The following ODAD2 variants were observed in gnomAD, a reference collection of about 807,000 sequenced individuals.
ODAD2 encodes the protein outer dynein arm-docking complex subunit 2.
Under a neutral mutation model 106.8 loss-of-function variants are expected in ODAD2, and 89 were observed. The observed-to-expected ratio is 0.83, with a 90% CI of 0.70 to 0.99. The LOEUF (loss-of-function observed/expected upper bound fraction) is 0.99, where lower values mean the gene tolerates loss of function less well. Ranked by LOEUF, ODAD2 falls within the 50% of genes least tolerant of loss-of-function variation. ODAD2 has a pLI of 0.00. For missense variants in ODAD2, 1,168 were observed against 1,238.5 expected (o/e 0.94, Z 0.85); for synonymous variants, 404 against 436.2 (o/e 0.93, Z 0.92).
At chr10:27,866,290 A>G (rs1840432424) in intron 17 of ODAD2, among the ~76,000 whole-genome samples, 1 of 152,212 alleles carries the variant, frequency 6.6e-6, no homozygotes, top group Admixed American at 6.5e-5. Context: ...AAAAGGTAAA[A>G]TGACAGAGTG....
In ODAD2 at chr10:27,983,972, T is replaced by TGGATGTA. The variant is rs761193360; in HGVS notation, c.689_690insTACATCC (p.Glu230AspfsTer31). The TGGATGTA allele has an allele frequency of 2.5e-6, 4 of 1,607,478 alleles. No homozygotes were observed. The highest frequency in any genetic ancestry group is 3.4e-6 in the Non-Finnish European group (4 of 1,178,750). ...GTGGGGCTCGACATCCATTTGAAAA[T>TGGATGTA]TCATAATCTGAAACCAATCATCAAG... On this transcript the variant is annotated frameshift_variant, in exon 6 of 20. Transcript: ENST00000305242. LOFTEE classifies it high-confidence loss of function.
At chr10:27,930,997 A>T (rs1053732518) in intron 16 of ODAD2, among the ~76,000 whole-genome samples, 1 of 152,226 alleles carries the variant, frequency 6.6e-6, no homozygotes, top group Non-Finnish European at 1.5e-5. Flanking sequence ...ACAAAATGAC[A>T]TGTCCGTATG....
At chr10:27,957,248 G>A (rs1291441047) in intron 10 of ODAD2, 1 of 152,264 alleles carries the variant, frequency 6.6e-6, no homozygotes, top group African/African-American at 2.4e-5. Context: ...TAGGAAAGAA[G>A]TTAACAGCAG....
chr10:27,934,184 T>C (rs1383253046), intron 16 of ODAD2, among the ~76,000 whole-genome samples: 1 of 152,164 alleles, frequency 6.6e-6, no homozygotes, highest in Non-Finnish European at 1.5e-5. Context: ...CCCAGCCATG[T>C]GGAACTGTGA....
intron 17 of ODAD2, among the ~76,000 whole-genome samples, chr10:27,864,532 T>G: frequency 2.3e-5 from 3 of 132,298 alleles, no homozygotes; most frequent in African/African-American, 8.7e-5. Context: ...GAGCGGGGAG[T>G]GAGGTGAGAG....
intron 17 of ODAD2, among the ~76,000 whole-genome samples, chr10:27,889,923 T>G (rs1158342468): frequency 6.6e-6 from 1 of 152,156 alleles, no homozygotes; most frequent in Admixed American, 6.6e-5. Flanking sequence ...TTTCCAGGGT[T>G]GGGAGTTCAT....
At chr10:27,934,912 T>C in intron 16 of ODAD2, 98 bp downstream of exon 16, 1 of 1,406,298 alleles carries the variant, frequency 7.1e-7, no homozygotes, top group African/African-American at 1.4e-5. Flanking sequence ...TTTTCATCAT[T>C]CGTGCACATC....
intron 19 of ODAD2, among the ~76,000 whole-genome samples, chr10:27,833,002 G>A (rs1044076471): frequency 6.6e-6 from 1 of 152,100 alleles, no homozygotes; most frequent in Non-Finnish European, 1.5e-5. Context: ...ACTTGGCAGG[G>A]GCAGGTGGAA....
chr10:27,844,827 A>T (rs1219233380), intron 19 of ODAD2, among the ~76,000 whole-genome samples: 2 of 152,142 alleles, frequency 1.3e-5, no homozygotes, highest in African/African-American at 4.8e-5. Context: ...TAGCTCTAAG[A>T]AGGGGAGGAA....
At chr10:27,821,213 C>T (rs114654636) in intron 19 of ODAD2, among the ~76,000 whole-genome samples, 212 of 152,194 alleles carry the variant, frequency 1.4e-3, no homozygotes, top group African/African-American at 4.7e-3. Flanking sequence ...CTGTGTGCTC[C>T]GGGTATGAAT....
At chr10:27,892,818 A>G (rs1842643050) in intron 17 of ODAD2, among the ~76,000 whole-genome samples, 2 of 152,222 alleles carry the variant, frequency 1.3e-5, no homozygotes, top group Non-Finnish European at 2.9e-5. Flanking sequence ...GCCTGGCTCA[A>G]TCACTGATAG....
intron 10 of ODAD2, among the ~76,000 whole-genome samples, chr10:27,945,572 C>G (rs1846849863): frequency 6.6e-6 from 1 of 152,032 alleles, no homozygotes; most frequent in African/African-American, 2.4e-5. Flanking sequence ...CAGAGTCTTG[C>G]AAACCAATGT....
At chr10:27,979,698 T>G (rs575869948) in intron 7 of ODAD2, among the ~76,000 whole-genome samples, 1 of 152,312 alleles carries the variant, frequency 6.6e-6, no homozygotes, top group Admixed American at 6.5e-5. Context: ...CTTCTAAACA[T>G]TGCTGAAAGC....
intron 19 of ODAD2, among the ~76,000 whole-genome samples, chr10:27,831,981 T>C (rs1837512758): frequency 6.6e-6 from 1 of 152,266 alleles, no homozygotes; most frequent in Non-Finnish European, 1.5e-5. Flanking sequence ...TCATTGCTCC[T>C]GCACAACATT....
chr10:27,816,997 G>A (rs577933549), intron 19 of ODAD2, among the ~76,000 whole-genome samples: 5 of 152,078 alleles, frequency 3.3e-5, no homozygotes, highest in South Asian at 4.2e-4. Context: ...TGATCCACCC[G>A]TCTCGGCCTC....
intron 16 of ODAD2, among the ~76,000 whole-genome samples, chr10:27,932,693 A>G (rs1433281263): frequency 5.3e-4 from 80 of 152,248 alleles, no homozygotes; most frequent in Non-Finnish European, 4.4e-5. Context: ...TGCTTTAAAT[A>G]TTATCCTCCC....
intron 17 of ODAD2, among the ~76,000 whole-genome samples, chr10:27,885,509 CAAAAAAAAAAAAAAAAA>C (rs781326915): frequency 2.5e-4 from 5 of 19,834 alleles, no homozygotes; most frequent in Admixed American, 1.9e-3. Flanking sequence ...GACTCCATCT[CAAAAAAAAAAAAAAAAA>C]AAAAAAAATA....
At chr10:27,875,088 G>C (rs933912744) in intron 17 of ODAD2, among the ~76,000 whole-genome samples, 2 of 151,874 alleles carry the variant, frequency 1.3e-5, no homozygotes, top group Non-Finnish European at 2.9e-5. Context: ...TTCTCTTCTC[G>C]CTTCATTTCA....
At chr10:27,907,214 A>G (rs1351025233) in intron 17 of ODAD2, among the ~76,000 whole-genome samples, 2 of 152,212 alleles carry the variant, frequency 1.3e-5, no homozygotes, top group Non-Finnish European at 2.9e-5. Flanking sequence ...GAAAAGTGAG[A>G]GTCATTGAAA....
Sources: allele counts gnomAD v4.1 joint callset (sites outside exome capture counted in the v4.1 genomes callset), GRCh38; gene constraint gnomAD v4.1.1; transcripts MANE v1.5; gene names NCBI Gene and HGNC (gene_info 2026-07-23, HGNC 2026-07-21).